The following SNAP25 variants were observed in gnomAD, a reference collection of about 807,000 sequenced individuals.
SNAP25 encodes synaptosomal-associated protein 25.
A neutral mutation model predicts 28.7 loss-of-function variants in SNAP25; 3 were observed. The observed-to-expected ratio is 0.10, with a 90% CI of 0.05 to 0.27. The LOEUF is 0.27. SNAP25 is among the 10% of genes least tolerant of loss of function. SNAP25 has a pLI of 1.00. For synonymous variants in SNAP25, 61 were observed against 88.1 expected, an observed-to-expected ratio of 0.69 and a Z score of 1.72; for missense variants, 117 against 278.7, an observed-to-expected ratio of 0.42 and a Z score of 4.13.
chr20:10,243,487 T>C (rs2063070649), intron 1 of SNAP25, among the ~76,000 whole-genome samples: 1 of 152,182 alleles, frequency 6.6e-6, no homozygotes, highest in Admixed American at 6.5e-5. Flanking sequence ...CCTGTTTTCT[T>C]TAGTTTGTGA....
intron 1 of SNAP25, among the ~76,000 whole-genome samples, chr20:10,270,148 G>T (rs958182171): frequency 5.9e-5 from 9 of 152,184 alleles, no homozygotes; most frequent in African/African-American, 2.2e-4. Context: ...AGCTACTTGG[G>T]AGGCCGAGGG....
intron 5 of SNAP25, chr20:10,296,369 A>G (rs1467930610): frequency 6.4e-6 from 1 of 156,632 alleles, no homozygotes; most frequent in Non-Finnish European, 1.4e-5. Context: ...CCAACCACCA[A>G]TCCTTTATGT....
intron 1 of SNAP25, among the ~76,000 whole-genome samples, chr20:10,244,140 C>T (rs2063085538): frequency 6.6e-6 from 1 of 152,160 alleles, no homozygotes; most frequent in African/African-American, 2.4e-5. Flanking sequence ...TTAGATAATG[C>T]CTATAAGGTT....
chr20:10,285,876 C>A (rs938049797), intron 4 of SNAP25, among the ~76,000 whole-genome samples: 1 of 152,130 alleles, frequency 6.6e-6, no homozygotes, highest in Non-Finnish European at 1.5e-5. Flanking sequence ...AGCAGACTGG[C>A]ATAAATTTTA....
chr20:10,296,624 C>A (rs1024027834), intron 5 of SNAP25: 72 of 349,124 alleles, frequency 2.1e-4, no homozygotes, highest in Non-Finnish European at 2.6e-4. Context: ...TAAATGTCCT[C>A]CAGCTACCTT....
At position 10,281,481 on chromosome 20, in the gene SNAP25, C is replaced by T. The variant is rs186443765; in HGVS notation, c.115-3243C>T. Among the ~76,000 whole-genome samples the T allele has an allele frequency of 4.9e-4, 74 of 152,302 alleles. 3 individuals are homozygous for T. In the East Asian group the frequency reaches 5.2e-3, roughly 11 times the overall value. On this transcript the variant is annotated intron_variant, in intron 3 of 7. Transcript: ENST00000254976. Reference sequence around the variant, plus strand: ...TGCTTAGAGCTATCATTGTCATCATCATCAAATGTACATTACCTAATTTAA... The same window carrying T: ...TGCTTAGAGCTATCATTGTCATCATTATCAAATGTACATTACCTAATTTAA...
At chr20:10,296,792 T>C (rs1824485312) in intron 5 of SNAP25, 133 bp from the exon 6 acceptor site, 1 of 1,348,350 alleles carries the variant, frequency 7.4e-7, no homozygotes, top group Non-Finnish European at 1.0e-6. Context: ...TGGATTATGA[T>C]ATATCGGTAT....
Position 10,242,162 on chromosome 20 carries a change from G to A in SNAP25, c.-64+23185G>A, listed in dbSNP as rs143069985. ...TTCCTAAATGCAGCAGAATGTATAC[G>A]CAAGTGAGGAAGGATTCTCAAGTGA... On this transcript the variant is annotated intron_variant, in intron 1 of 7. Coordinates refer to ENST00000254976, the MANE Select transcript of SNAP25 (RefSeq NM_130811.4). Among the ~76,000 whole-genome samples the A allele has an allele frequency of 7.2e-3, 1,099 of 152,264 alleles. 7 individuals are homozygous for A. Among genetic ancestry groups the A allele is most frequent in the Non-Finnish European group, 0.011 (719 of 68,020 alleles).
intron 1 of SNAP25, among the ~76,000 whole-genome samples, chr20:10,269,348 G>A (rs2063554706): frequency 1.3e-5 from 2 of 152,142 alleles, no homozygotes; most frequent in South Asian, 4.1e-4. Context: ...GTTGCAGTGA[G>A]CCAAGATTGT....
intron 1 of SNAP25, among the ~76,000 whole-genome samples, chr20:10,225,684 T>C (rs2062723685): frequency 6.6e-6 from 1 of 152,178 alleles, no homozygotes; most frequent in Non-Finnish European, 1.5e-5. Context: ...TGTCTTAATC[T>C]TCCAAGGTGG....
chr20:10,262,279 A>G lies in SNAP25; in HGVS notation c.-63-13150A>G, dbSNP rs567314902. On this transcript the variant is annotated intron_variant, in intron 1 of 7. Transcript: ENST00000254976. ...GAGTCCCTTCCTCTCCACTATTTTG[A>G]TGTTTGCCATTTCAAGGATACCTTA... 2.0e-5 allele frequency among the ~76,000 whole-genome samples: 3 copies of G among 152,238 alleles called. No homozygotes were observed. The East Asian group carries it at 5.8e-4, about 29-fold the overall frequency.
At chr20:10,261,655 T>C (rs1235189164) in intron 1 of SNAP25, among the ~76,000 whole-genome samples, 2 of 152,172 alleles carry the variant, frequency 1.3e-5, no homozygotes, top group Non-Finnish European at 2.9e-5. Flanking sequence ...TCTGATTTTA[T>C]AGATATTATT....
At chr20:10,245,600 A>C (rs1283514612) in intron 1 of SNAP25, among the ~76,000 whole-genome samples, 1 of 152,230 alleles carries the variant, frequency 6.6e-6, no homozygotes, top group Non-Finnish European at 1.5e-5. Flanking sequence ...TCGCATTTAC[A>C]GTTTCACCCC....
intron 1 of SNAP25, among the ~76,000 whole-genome samples, chr20:10,220,271 C>T (rs1392278873): frequency 6.6e-6 from 1 of 152,230 alleles, no homozygotes; most frequent in Admixed American, 6.5e-5. Flanking sequence ...TACAAGCATT[C>T]ATCCACAAAA....
At chr20:10,251,609 C>A (rs766707439) in intron 1 of SNAP25, among the ~76,000 whole-genome samples, 3 of 152,178 alleles carry the variant, frequency 2.0e-5, no homozygotes, top group Non-Finnish European at 4.4e-5. Flanking sequence ...TTAAACAAAC[C>A]TGTCCTACCT....
rs543607842 is a variant in SNAP25, at chr20:10,220,716, A to G, written c.-64+1739A>G. 6.6e-5 allele frequency among the ~76,000 whole-genome samples: 10 copies of G among 152,254 alleles called. 1 individual carries two copies. Among genetic ancestry groups the G allele is most frequent in the Admixed American group, 1.3e-4 (2 of 15,284 alleles). ...TTTGAGTCATTAGCAAAAAAGAGTA[A>G]CAGCGTCATATGTAATAATCTATAC... On this transcript the variant is annotated intron_variant, in intron 1 of 7. Transcript: ENST00000254976.
At chr20:10,283,439 C>T (rs2063815181) in intron 3 of SNAP25, among the ~76,000 whole-genome samples, 1 of 152,164 alleles carries the variant, frequency 6.6e-6, no homozygotes, top group Non-Finnish European at 1.5e-5. Flanking sequence ...CCTGGGCCAG[C>T]CCTGTCCATA....
chr20:10,219,014 G>C (rs1025250115), intron 1 of SNAP25, 37 bp downstream of exon 1: 4 of 152,160 alleles, frequency 2.6e-5, no homozygotes, highest in African/African-American at 7.2e-5. Context: ...GCTCTGGCTC[G>C]GGATGGCTGC....
At chr20:10,283,734 T>A (rs2063823388) in intron 3 of SNAP25, among the ~76,000 whole-genome samples, 1 of 152,202 alleles carries the variant, frequency 6.6e-6, no homozygotes, top group Non-Finnish European at 1.5e-5. Flanking sequence ...AGGTCCTAGC[T>A]TAGAATTTCT....
Sources: allele counts gnomAD v4.1 joint callset (sites outside exome capture counted in the v4.1 genomes callset), GRCh38; gene constraint gnomAD v4.1.1; transcripts MANE v1.5; gene names NCBI Gene and HGNC (gene_info 2026-07-23, HGNC 2026-07-21).